Variants in SNTG1 observed in about 807,000 individuals in gnomAD.
The protein encoded by SNTG1 is gamma-1-syntrophin.
SNTG1 carries 39 observed loss-of-function variants against 74.7 expected under a neutral mutation model. The observed-to-expected ratio is 0.52, with a 90% confidence interval of 0.40 to 0.68. The LOEUF is 0.68. SNTG1 is among the 30% of genes least tolerant of loss of function. SNTG1 has a pLI of 0.00. For synonymous variants in SNTG1, 254 were observed against 217.1 expected (o/e 1.17, Z -1.49); for missense variants, 685 against 609.5 (o/e 1.12, Z -1.30).
At chr8:50,434,039 C>T (rs1461345320) in intron 4 of SNTG1, among the ~76,000 whole-genome samples, 3 of 145,252 alleles carry the variant, frequency 2.1e-5, no homozygotes, top group Admixed American at 6.9e-5. Flanking sequence ...TCCCTCCCCC[C>T]TCCCCCTACC....
rs536475025 is a variant in SNTG1, at chr8:50,250,647, A to G, written c.-28+78012A>G. The stretch of plus-strand genomic sequence containing the variant: ...GCAGAATCTCTGCATGCCAGGAAAA[A>G]AATTGATGACATACTACAAACACTG... On this transcript the variant is annotated intron_variant, in intron 2 of 18. Coordinates refer to ENST00000642720, the MANE Select transcript of SNTG1 (RefSeq NM_018967.5). Among the ~76,000 whole-genome samples the G allele has an allele frequency of 3.9e-5, 6 of 152,274 alleles. No individual in the cohort carries two copies. The East Asian group carries it at 1.2e-3, about 29-fold the overall frequency.
At chr8:50,660,382 GA>G (rs2095214101) in intron 15 of SNTG1, among the ~76,000 whole-genome samples, 1 of 107,210 alleles carries the variant, frequency 9.3e-6, no homozygotes, top group African/African-American at 3.6e-5. Flanking sequence ...AAGAAGGAAG[GA>G]AGGAAGGAAG....
At chr8:49,971,050 G>T (rs1811620302) in intron 1 of SNTG1, among the ~76,000 whole-genome samples, 1 of 152,104 alleles carries the variant, frequency 6.6e-6, no homozygotes, top group Non-Finnish European at 1.5e-5. Context: ...ACCAAAGCCT[G>T]GCAGAGACAC....
intron 1 of SNTG1, among the ~76,000 whole-genome samples, chr8:49,952,904 G>C (rs984982951): frequency 6.6e-6 from 1 of 152,284 alleles, no homozygotes; most frequent in African/African-American, 2.4e-5. Context: ...GAAATAACTT[G>C]AGATAGAACA....
intron 2 of SNTG1, among the ~76,000 whole-genome samples, chr8:50,175,738 G>A (rs1158008463): frequency 1.4e-4 from 22 of 152,110 alleles, no homozygotes; most frequent in Admixed American, 1.4e-3. Context: ...TTCACTTGAG[G>A]GCGGCTATTC....
intron 15 of SNTG1, among the ~76,000 whole-genome samples, chr8:50,702,117 G>C (rs1300196290): frequency 6.6e-6 from 1 of 151,998 alleles, no homozygotes; most frequent in Non-Finnish European, 1.5e-5. Flanking sequence ...CTCCCAAATT[G>C]CTGGGATTAC....
intron 1 of SNTG1, among the ~76,000 whole-genome samples, chr8:50,103,432 G>A (rs1034770381): frequency 1.1e-4 from 16 of 152,314 alleles, no homozygotes; most frequent in African/African-American, 3.6e-4. Context: ...TTTTGCTGAA[G>A]TTGCTTATCA....
At chr8:50,219,382 A>G (rs903118995) in intron 2 of SNTG1, among the ~76,000 whole-genome samples, 1 of 152,216 alleles carries the variant, frequency 6.6e-6, no homozygotes, top group Admixed American at 6.5e-5. Flanking sequence ...ATAAGAAGAT[A>G]TAAGCCATTG....
intron 1 of SNTG1, among the ~76,000 whole-genome samples, chr8:50,092,010 A>G (rs945280520): frequency 2.6e-5 from 4 of 152,170 alleles, no homozygotes; most frequent in Non-Finnish European, 5.9e-5. Context: ...ACTCAAACCA[A>G]TAAAACCCTT....
At chr8:50,275,833 T>G (rs1437340642) in intron 2 of SNTG1, among the ~76,000 whole-genome samples, 1 of 152,138 alleles carries the variant, frequency 6.6e-6, no homozygotes, top group African/African-American at 2.4e-5. Context: ...TTTTCAGATT[T>G]TAGGGTGGCA....
chr8:50,419,210 T>A (rs2131443642), intron 4 of SNTG1, among the ~76,000 whole-genome samples: 1 of 151,130 alleles, frequency 6.6e-6, no homozygotes, highest in East Asian at 1.9e-4. Flanking sequence ...GAAAAAAAAA[T>A]GGGCAGCTTA....
At chr8:50,745,353 A>G (rs1243261749) in intron 17 of SNTG1, among the ~76,000 whole-genome samples, 1 of 151,982 alleles carries the variant, frequency 6.6e-6, no homozygotes, top group South Asian at 2.1e-4. Flanking sequence ...TTACCACTTT[A>G]CATTCATTGG....
intron 1 of SNTG1, among the ~76,000 whole-genome samples, chr8:49,978,987 TGG>T (rs1213572836): frequency 6.6e-6 from 1 of 152,164 alleles, no homozygotes; most frequent in East Asian, 1.9e-4. Flanking sequence ...CTTCCACACT[TGG>T]GTAAAATCAC....
At chr8:49,909,831 C>G (rs916136132), upstream of SNTG1, 1 of 152,332 alleles carries the variant, frequency 6.6e-6, no homozygotes, top group African/African-American at 2.4e-5. Flanking sequence ...CGGCTGGTGG[C>G]CACCCCAGGG....
intron 1 of SNTG1, among the ~76,000 whole-genome samples, chr8:50,080,984 G>A (rs2131076781): frequency 6.6e-6 from 1 of 151,668 alleles, no homozygotes; most frequent in African/African-American, 2.4e-5. Context: ...TGCTAATATT[G>A]TCATATATAT....
intron 12 of SNTG1, among the ~76,000 whole-genome samples, chr8:50,572,319 C>T (rs112547638): frequency 2.0e-5 from 3 of 150,788 alleles, no homozygotes; most frequent in African/African-American, 4.9e-5. Context: ...TTGGTGAATT[C>T]ATGCAAAAAT....
At chr8:50,633,210 G>C (rs2095014986) in intron 13 of SNTG1, among the ~76,000 whole-genome samples, 1 of 152,162 alleles carries the variant, frequency 6.6e-6, no homozygotes, top group African/African-American at 2.4e-5. Context: ...TGAAAAGTAA[G>C]TTCAAAAACA....
rs959439577 is a variant in SNTG1, at chr8:50,123,732, G to A, written c.-102-48829G>A. On this transcript the variant is annotated intron_variant, in intron 1 of 18. Coordinates refer to ENST00000642720, the MANE Select transcript of SNTG1 (RefSeq NM_018967.5). The stretch of plus-strand genomic sequence containing the variant: ...AAGGGTGACATTGTAGAGGCCAAAA[G>A]AAGGGACATCTTCAAGCAAACCAGT... Among the ~76,000 whole-genome samples, 14 of 141,956 alleles carry A rather than the reference G, an allele frequency of 9.9e-5. 2 individuals are homozygous for A. The highest frequency in any genetic ancestry group is 7.9e-4 in the South Asian group (3 of 3,808). The allele number at this position is 141,956 out of a possible 152,430, so 93.1% of individuals were successfully genotyped here. A position where few individuals can be genotyped will look rare whatever the true frequency, so the allele number is the denominator to read the frequency against.
At chr8:50,522,399 G>C (rs1413007141) in intron 9 of SNTG1, among the ~76,000 whole-genome samples, 1 of 151,980 alleles carries the variant, frequency 6.6e-6, no homozygotes, top group Non-Finnish European at 1.5e-5. Context: ...CTGCCATCTA[G>C]GCCTTGTTGT....
Sources: gnomAD v4.1 joint callset for allele counts (sites outside exome capture counted in the v4.1 genomes callset) on GRCh38, gnomAD v4.1.1 for gene constraint, MANE v1.5 for transcripts, NCBI Gene and HGNC (gene_info 2026-07-23, HGNC 2026-07-21) for gene names.